SAMD4A: variants seen among roughly 807,000 people sequenced by gnomAD.
The protein encoded by SAMD4A is protein Smaug homolog 1.
A neutral mutation model predicts 81.3 loss-of-function variants in SAMD4A; 33 were observed. The observed-to-expected ratio is 0.41, with a 90% CI of 0.31 to 0.54. The LOEUF (loss-of-function observed/expected upper bound fraction) is 0.54. Ranked by LOEUF, SAMD4A falls within the 20% of genes least tolerant of loss-of-function variation. SAMD4A has a pLI of 0.37. For missense variants in SAMD4A, 854 were observed against 951.1 expected (o/e 0.90, Z 1.34); for synonymous variants, 389 against 382.1 (o/e 1.02, Z -0.21).
rs553430808 is a variant in SAMD4A at position 54,738,102 on chromosome 14, A to G, written c.979+815A>G. 3.3e-5 allele frequency among the ~76,000 whole-genome samples: 5 copies of G among 152,364 alleles called. No homozygotes were observed. The East Asian group carries it at 5.8e-4, about 18-fold the overall frequency. On this transcript the variant is annotated intron_variant, in intron 4 of 12. Coordinates refer to ENST00000554335, the MANE Select transcript of SAMD4A (RefSeq NM_015589.6). ...GATGCACATTCAGAGACACACTAGT[A>G]ACAATTTTAGATGGTGAAACAGTAA... is the stretch of plus-strand genomic sequence containing the variant.
chr14:54,737,414 A>T (rs560868552), intron 4 of SAMD4A, 127 bp downstream of exon 4: 2 of 1,119,430 alleles, frequency 1.8e-6, no homozygotes, highest in Non-Finnish European at 2.5e-6. Flanking sequence ...TACGCATTTG[A>T]TCTGTCCCTT....
At chr14:54,765,960 G>A (rs964138342) in intron 8 of SAMD4A, among the ~76,000 whole-genome samples, 55 of 152,044 alleles carry the variant, frequency 3.6e-4, no homozygotes, top group African/African-American at 1.3e-3. Flanking sequence ...GTGCCCAAGC[G>A]GCTCTGGCCA....
intron 3 of SAMD4A, among the ~76,000 whole-genome samples, chr14:54,719,527 C>G (rs541496898): frequency 6.6e-6 from 1 of 152,262 alleles, no homozygotes; most frequent in Non-Finnish European, 1.5e-5. Context: ...TCAACATTCC[C>G]TTCTTTGTGA....
At chr14:54,727,133 AATGAAGCTT>A (rs200072061) in intron 3 of SAMD4A, among the ~76,000 whole-genome samples, 3 of 147,532 alleles carry the variant, frequency 2.0e-5, no homozygotes, top group East Asian at 4.0e-4. Flanking sequence ...TTCATACCTG[AATGAAGCTT>A]ATCACAACAG....
chr14:54,781,988 C>T (rs1188968304), intron 11 of SAMD4A, among the ~76,000 whole-genome samples: 1 of 152,200 alleles, frequency 6.6e-6, no homozygotes, highest in Non-Finnish European at 1.5e-5. Context: ...CAGAGCCACT[C>T]GGAGTGTTGG....
intron 11 of SAMD4A, among the ~76,000 whole-genome samples, chr14:54,780,485 G>T (rs1044112519): frequency 1.3e-5 from 2 of 152,142 alleles, no homozygotes; most frequent in Non-Finnish European, 2.9e-5. Flanking sequence ...GTGTGGAAGG[G>T]GCTGCCATGC....
chr14:54,606,573 G>A (rs1012929582), intron 2 of SAMD4A, among the ~76,000 whole-genome samples: 1 of 152,168 alleles, frequency 6.6e-6, no homozygotes, highest in African/African-American at 2.4e-5. Context: ...CAGGGGCCCT[G>A]TTTGGTCTCC....
intron 2 of SAMD4A, among the ~76,000 whole-genome samples, chr14:54,601,614 C>T (rs1290328888): frequency 1.3e-5 from 2 of 152,184 alleles, no homozygotes; most frequent in East Asian, 3.8e-4. Flanking sequence ...ATCAAAGGGC[C>T]ATCACCTGGC....
At chr14:54,620,972 G>A (rs1416036783) in intron 2 of SAMD4A, among the ~76,000 whole-genome samples, 2 of 152,082 alleles carry the variant, frequency 1.3e-5, no homozygotes, top group Non-Finnish European at 2.9e-5. Flanking sequence ...GTCTTGCTGT[G>A]TTGCTTGGGC....
intron 3 of SAMD4A, among the ~76,000 whole-genome samples, chr14:54,713,175 C>A (rs1164279889): frequency 6.6e-6 from 1 of 151,480 alleles, no homozygotes; most frequent in Non-Finnish European, 1.5e-5. Context: ...ATGACTGTAG[C>A]TTACACATAT....
intron 7 of SAMD4A, among the ~76,000 whole-genome samples, chr14:54,763,625 A>G (rs1045793983): frequency 2.0e-5 from 3 of 152,184 alleles, no homozygotes; most frequent in African/African-American, 7.2e-5. Flanking sequence ...GGGAGGAATC[A>G]AGTATGATGC....
chr14:54,672,021 T>G (rs1466399800), intron 2 of SAMD4A, among the ~76,000 whole-genome samples: 1 of 3,146 alleles, frequency 3.2e-4, no homozygotes, highest in Non-Finnish European at 1.4e-3. Flanking sequence ...GTTTATAGTG[T>G]TTTTTTTTTT....
chr14:54,587,355 C>T (rs141955422), intron 2 of SAMD4A, among the ~76,000 whole-genome samples: 4 of 152,250 alleles, frequency 2.6e-5, no homozygotes, highest in Non-Finnish European at 5.9e-5. Flanking sequence ...TCTAGGTATA[C>T]AATCATATCA....
At chr14:54,602,298 C>G (rs1226942538) in intron 2 of SAMD4A, among the ~76,000 whole-genome samples, 1 of 146,914 alleles carries the variant, frequency 6.8e-6, no homozygotes, top group Non-Finnish European at 1.5e-5. Context: ...ATGCATTTTT[C>G]CATTGCTAGA....
Position 54,748,865 on chromosome 14 carries a change from T to C in SAMD4A, c.1030T>C (p.Phe344Leu), listed in dbSNP as rs1385125833. 1.3e-6 allele frequency: 2 copies of C among 1,555,670 alleles called. No homozygotes were observed. The highest frequency in any genetic ancestry group is 3.9e-5 in the Admixed American group (2 of 51,370). ...SLRLHKYAAL[F>L]SQMTYEEMMA... ...CCGCCTGCACAAATATGCCGCGCTT[T>C]TCTCCCAGATGACCTATGAGGAGAT... Residue 344 changes from phenylalanine to leucine, a missense_variant, in exon 5 of 13, where the codon TTC becomes CTC. Around this residue, in one of 3 missense-constraint regions of SAMD4A, gnomAD observed 39 missense variants for 74.1 expected, o/e 0.53. Coordinates refer to ENST00000554335, the MANE Select transcript of SAMD4A (RefSeq NM_015589.6).
chr14:54,582,783 A>G (rs2033505755), intron 2 of SAMD4A, among the ~76,000 whole-genome samples: 1 of 152,176 alleles, frequency 6.6e-6, no homozygotes, highest in South Asian at 2.1e-4. Context: ...AAATGTCCTT[A>G]TTAGGAGACG....
chr14:54,645,711 T>C lies in SAMD4A; in HGVS notation c.197-56351T>C, dbSNP rs188660729. ...ATTTTGTTTTGGATCTTTTAAAACA[T>C]GACAACAAAAGTCATTTAAGGCATT... On this transcript the variant is annotated intron_variant, in intron 2 of 12. Coordinates refer to ENST00000554335, the MANE Select transcript of SAMD4A (RefSeq NM_015589.6). 3.9e-5 allele frequency among the ~76,000 whole-genome samples: 6 copies of C among 152,346 alleles called. No individual in the cohort carries two copies. In the East Asian group the frequency reaches 1.2e-3, roughly 29 times the overall value.
chr14:54,645,455 G>T (rs2035266436), intron 2 of SAMD4A, among the ~76,000 whole-genome samples: 1 of 152,148 alleles, frequency 6.6e-6, no homozygotes, highest in Non-Finnish European at 1.5e-5. Flanking sequence ...GAAAGACTCT[G>T]CTCGTTTCTC....
rs1182296380 is a variant in SAMD4A, at chr14:54,658,625, C to T, written c.197-43437C>T. 2.0e-5 allele frequency among the ~76,000 whole-genome samples: 3 copies of T among 152,318 alleles called. No individual in the cohort carries two copies. In the East Asian group the frequency reaches 5.8e-4, roughly 29 times the overall value. On this transcript the variant is annotated intron_variant, in intron 2 of 12. Transcript: ENST00000554335. ...TCAACTTGTGCAACAGGAGCCTCTT[C>T]CTTACCCAGCCACTGTCATTGACTT...
Sources: allele counts gnomAD v4.1 joint callset (sites outside exome capture counted in the v4.1 genomes callset), GRCh38; gene constraint gnomAD v4.1.1; regional missense constraint gnomAD v4.1.1; transcripts MANE v1.5; gene names NCBI Gene and HGNC (gene_info 2026-07-23, HGNC 2026-07-21).